Variants in CORO2B observed in about 807,000 individuals in gnomAD.
The protein encoded by CORO2B is coronin 2B.
CORO2B carries 26 observed loss-of-function variants against 58.8 expected under a neutral mutation model. That is an observed-to-expected ratio of 0.44 (90% CI 0.32 to 0.61). CORO2B has a LOEUF of 0.61. Among genes scored for constraint, CORO2B ranks in the 20% least tolerant of loss-of-function variants. The pLI is 0.04. For synonymous variants in CORO2B, 242 were observed against 253.8 expected (o/e 0.95, Z 0.44); for missense variants, 460 against 645.1 (o/e 0.71, Z 3.11).
Position 68,719,445 on chromosome 15 carries a change from A to T in CORO2B, c.1204A>T (p.Lys402Ter). Residue 402 changes from lysine to a stop codon, truncating the protein, a stop_gained, in exon 11 of 12, where the codon AAG becomes TAG. Transcript: ENST00000261861. LOFTEE classifies it high-confidence loss of function. ...PVLMSLKEGY[K>*]KSSKMVFKAP... ...GCTGATGTCTTTGAAAGAAGGCTAT[A>T]AGAAGTCCTCAAAAATGGTATTTAA... The T allele has an allele frequency of 1.2e-6, 2 of 1,614,166 alleles. No homozygotes were observed. Among genetic ancestry groups the T allele is most frequent in the Non-Finnish European group, 1.7e-6 (2 of 1,180,014 alleles).
chr15:68,552,527 G>A, the CORO2B span, among the ~76,000 whole-genome samples: 5 of 152,176 alleles, frequency 3.3e-5, no homozygotes, highest in East Asian at 7.7e-4. Context: ...CTGTTGCCTC[G>A]GTGACAACCC....
intron 7 of CORO2B, 45 bp downstream of exon 7, chr15:68,714,708 C>T (rs1196595569): frequency 1.4e-6 from 2 of 1,467,314 alleles, no homozygotes; most frequent in East Asian, 2.3e-5. Context: ...GTGGGAGAGC[C>T]CTACCCTCAA....
chr15:68,558,758 C>A, the CORO2B span, among the ~76,000 whole-genome samples: 1 of 152,068 alleles, frequency 6.6e-6, no homozygotes, highest in East Asian at 1.9e-4. Flanking sequence ...CCTTTCTAGG[C>A]CTTTGTGGAG....
intron 1 of CORO2B, among the ~76,000 whole-genome samples, chr15:68,615,288 T>C (rs1232372031): frequency 6.6e-6 from 1 of 152,144 alleles, no homozygotes; most frequent in Non-Finnish European, 1.5e-5. Context: ...TGTCATCCTT[T>C]CTAATCAAAG....
the CORO2B span, among the ~76,000 whole-genome samples, chr15:68,521,136 G>A: frequency 6.6e-6 from 1 of 151,824 alleles, no homozygotes; most frequent in Admixed American, 6.6e-5. Flanking sequence ...GATAAGTTTG[G>A]TTTTACATCT....
chr15:68,523,936 T>C, the CORO2B span, among the ~76,000 whole-genome samples: 12 of 152,298 alleles, frequency 7.9e-5, no homozygotes, highest in African/African-American at 2.2e-4. Flanking sequence ...AAAAATATTT[T>C]TTTCCAAGGC....
chr15:68,597,042 C>T (rs1019146662), intron 1 of CORO2B, among the ~76,000 whole-genome samples: 5 of 152,164 alleles, frequency 3.3e-5, no homozygotes, highest in Non-Finnish European at 7.3e-5. Flanking sequence ...CACCTCGAGT[C>T]CAACCTCATT....
chr15:68,577,510 T>A (rs1899310441), upstream of CORO2B, among the ~76,000 whole-genome samples: 1 of 151,854 alleles, frequency 6.6e-6, no homozygotes, highest in Admixed American at 6.6e-5. Flanking sequence ...GATCACGAGG[T>A]CAGGAGTTCG....
intron 1 of CORO2B, among the ~76,000 whole-genome samples, chr15:68,595,448 C>T (rs1449157919): frequency 6.6e-6 from 1 of 152,244 alleles, no homozygotes; most frequent in East Asian, 1.9e-4. Context: ...AAGCCTGTGG[C>T]TCCAGGCCCT....
chr15:68,621,085 G>A (rs1013620027), intron 1 of CORO2B, among the ~76,000 whole-genome samples: 1 of 152,176 alleles, frequency 6.6e-6, no homozygotes, highest in African/African-American at 2.4e-5. Flanking sequence ...GGATGAGATC[G>A]GCAGTGAATA....
chr15:68,626,335 A>T (rs1900681744), intron 1 of CORO2B, among the ~76,000 whole-genome samples: 1 of 152,100 alleles, frequency 6.6e-6, no homozygotes, highest in Non-Finnish European at 1.5e-5. Flanking sequence ...GAAAAATCAA[A>T]GAAGTCTAGG....
Position 68,695,191 on chromosome 15 carries a change from G to A in CORO2B, c.268G>A (p.Val90Met), listed in dbSNP as rs151208228. ...YPKVCGHQGNVLDIKWNPFID... is the reference protein window; with the variant it reads ...YPKVCGHQGNMLDIKWNPFID... The stretch of plus-strand genomic sequence containing the variant: ...CAAGGTCTGCGGCCACCAGGGCAAT[G>A]TGCTGGATATCAAATGGAACCCCTT... The change falls in exon 3 of 12, where the codon GTG becomes ATG. Residue 90 changes from valine to methionine, a missense_variant. Coordinates refer to ENST00000261861, the MANE Select transcript of CORO2B (RefSeq NM_006091.5). 6.2e-7 allele frequency: 1 copy of A among 1,614,178 alleles called. No individual in the cohort carries two copies.
intron 2 of CORO2B, among the ~76,000 whole-genome samples, chr15:68,651,462 C>T (rs1302304221): frequency 3.3e-5 from 5 of 152,224 alleles, no homozygotes; most frequent in Non-Finnish European, 5.9e-5. Context: ...TTCACCCCCT[C>T]AGTTTGATAG....
chr15:68,518,480 G>A, the CORO2B span, among the ~76,000 whole-genome samples: 6 of 151,752 alleles, frequency 4.0e-5, no homozygotes, highest in African/African-American at 2.4e-5. Context: ...TCTGTTCCCT[G>A]CCCATTTCCA....
At chr15:68,523,073 T>C in the CORO2B span, among the ~76,000 whole-genome samples, 3 of 152,230 alleles carry the variant, frequency 2.0e-5, no homozygotes, top group Non-Finnish European at 4.4e-5. Context: ...CTTTACAAAT[T>C]TGTTCTTTCT....
At chr15:68,603,847 A>G (rs1900041715) in intron 1 of CORO2B, among the ~76,000 whole-genome samples, 1 of 152,178 alleles carries the variant, frequency 6.6e-6, no homozygotes, top group South Asian at 2.1e-4. Context: ...GCATTCTGTT[A>G]TGGCAGCCTG....
rs536936302 is a variant in CORO2B, at chr15:68,632,550, C to T, written c.16-12610C>T. Among the ~76,000 whole-genome samples the T allele has an allele frequency of 1.1e-4, 16 of 152,196 alleles. No individual in the cohort carries two copies. In the South Asian group the frequency reaches 1.9e-3, roughly 18 times the overall value. On this transcript the variant is annotated intron_variant, in intron 1 of 11. Coordinates refer to ENST00000261861, the MANE Select transcript of CORO2B (RefSeq NM_006091.5). ...TTTTTTGAGTCCTGCTTTAACAGTC[C>T]GAACTCTCCCTGGATAATGGATGTC...
At chr15:68,554,481 C>G in the CORO2B span, among the ~76,000 whole-genome samples, 1 of 152,146 alleles carries the variant, frequency 6.6e-6, no homozygotes, top group Non-Finnish European at 1.5e-5. Flanking sequence ...AGATCTCCAG[C>G]CCAGGCACCT....
At chr15:68,652,386 C>T (rs2140279102) in intron 2 of CORO2B, among the ~76,000 whole-genome samples, 1 of 152,324 alleles carries the variant, frequency 6.6e-6, no homozygotes, top group Admixed American at 6.5e-5. Flanking sequence ...TGCCCAGCAG[C>T]CTGATTAACC....
Sources: gnomAD v4.1 joint callset for allele counts (sites outside exome capture counted in the v4.1 genomes callset) on GRCh38, gnomAD v4.1.1 for gene constraint, MANE v1.5 for transcripts, NCBI Gene and HGNC (gene_info 2026-07-23, HGNC 2026-07-21) for gene names.